Variants in GPC5 observed in about 807,000 individuals in gnomAD.
The protein encoded by GPC5 is glypican 5, also known as glypican-5.
In GPC5, 47 loss-of-function variants were observed where a neutral mutation model predicts 53.9. The ratio of observed to expected loss-of-function variants is 0.87; its 90% CI spans 0.69 to 1.11. GPC5 has a LOEUF of 1.11. GPC5 is among the 50% of genes most tolerant of loss of function. The pLI is 0.00. For missense variants in GPC5, 748 were observed against 713.1 expected, an observed-to-expected ratio of 1.05 and a Z score of -0.56; for synonymous variants, 286 against 263.3, an observed-to-expected ratio of 1.09 and a Z score of -0.84.
intron 6 of GPC5, among the ~76,000 whole-genome samples, chr13:92,126,709 A>C (rs181351606): frequency 7.7e-4 from 118 of 152,272 alleles, no homozygotes; most frequent in Admixed American, 5.2e-3. Flanking sequence ...TCTGGTCTCC[A>C]TCATAAAATG....
intron 2 of GPC5, among the ~76,000 whole-genome samples, chr13:91,502,370 TG>T (rs1164471435): frequency 9.9e-5 from 15 of 151,224 alleles, no homozygotes; most frequent in Non-Finnish European, 1.5e-4. Flanking sequence ...AGGGTTTTTA[TG>T]GTTTTAGGTC....
At chr13:91,666,281 C>T (rs1487590057) in intron 2 of GPC5, among the ~76,000 whole-genome samples, 1 of 152,150 alleles carries the variant, frequency 6.6e-6, no homozygotes, top group East Asian at 1.9e-4. Flanking sequence ...TTAGACCAAA[C>T]AAAAGGTCTA....
intron 6 of GPC5, among the ~76,000 whole-genome samples, chr13:92,036,189 G>A (rs1594737140): frequency 6.6e-6 from 1 of 152,120 alleles, no homozygotes; most frequent in African/African-American, 2.4e-5. Flanking sequence ...ATCGCTGATT[G>A]CTTATACATC....
chr13:91,594,968 G>T (rs866952499), intron 2 of GPC5, among the ~76,000 whole-genome samples: 9 of 150,978 alleles, frequency 6.0e-5, no homozygotes, highest in Non-Finnish European at 1.0e-4. Context: ...CCTTGCCCAG[G>T]CTTATTTTTT....
At chr13:92,680,594 A>G (rs1446531970) in intron 7 of GPC5, among the ~76,000 whole-genome samples, 2 of 152,212 alleles carry the variant, frequency 1.3e-5, no homozygotes, top group African/African-American at 4.8e-5. Context: ...GCAAGAAGAG[A>G]CCTCATTCTT....
chr13:91,674,412 T>TAC (rs1388284659), intron 2 of GPC5, among the ~76,000 whole-genome samples: 6 of 150,562 alleles, frequency 4.0e-5, no homozygotes, highest in Admixed American at 2.0e-4. Context: ...TATATATATA[T>TAC]ACACACACAC....
At chr13:91,781,924 C>T (rs2037804393) in intron 5 of GPC5, among the ~76,000 whole-genome samples, 1 of 152,174 alleles carries the variant, frequency 6.6e-6, no homozygotes, top group African/African-American at 2.4e-5. Flanking sequence ...ATTTATTATA[C>T]TCTGAGCTAG....
At chr13:91,797,643 C>G (rs1291181737) in intron 5 of GPC5, among the ~76,000 whole-genome samples, 1 of 152,170 alleles carries the variant, frequency 6.6e-6, no homozygotes, top group Non-Finnish European at 1.5e-5. Context: ...ATTAAGAGCT[C>G]TACATCTGCC....
intron 3 of GPC5, among the ~76,000 whole-genome samples, chr13:91,703,127 C>T (rs538937270): frequency 2.0e-5 from 3 of 151,972 alleles, no homozygotes; most frequent in Non-Finnish European, 4.4e-5. Flanking sequence ...TGAAAAGAGG[C>T]AATTTAACTG....
At chr13:91,656,089 G>A (rs1193643119) in intron 2 of GPC5, among the ~76,000 whole-genome samples, 1 of 152,086 alleles carries the variant, frequency 6.6e-6, no homozygotes, top group Non-Finnish European at 1.5e-5. Context: ...CACCATACTT[G>A]CCTAATTCTC....
intron 7 of GPC5, among the ~76,000 whole-genome samples, chr13:92,600,719 C>A (rs113410548): frequency 6.7e-6 from 1 of 149,676 alleles, no homozygotes; most frequent in Non-Finnish European, 1.5e-5. Flanking sequence ...GTTAGCCAGG[C>A]GAGTCTCAAA....
At position 91,969,899 on chromosome 13, in the gene GPC5, C is replaced by T. The variant is rs1396602351; in HGVS notation, c.1401+61842C>T. On this transcript the variant is annotated intron_variant, in intron 6 of 7. Transcript: ENST00000377067. ...TTGGTGAGGATATGGAGAAAAGGGA[C>T]CTCTTATACGCACTGTTCATGGAAA... is the stretch of plus-strand genomic sequence containing the variant. Among the ~76,000 whole-genome samples the T allele has an allele frequency of 2.0e-5, 3 of 151,958 alleles. 1 individual carries two copies. In the South Asian group the frequency reaches 6.2e-4, roughly 32 times the overall value.
intron 7 of GPC5, among the ~76,000 whole-genome samples, chr13:92,401,972 T>C (rs1875579149): frequency 6.6e-6 from 1 of 152,144 alleles, no homozygotes. Context: ...AATGCTCTGT[T>C]TGCTAAAAGA....
At chr13:92,818,103 T>G (rs1877544361) in intron 7 of GPC5, among the ~76,000 whole-genome samples, 1 of 151,182 alleles carries the variant, frequency 6.6e-6, no homozygotes, top group Non-Finnish European at 1.5e-5. Flanking sequence ...GCCTCTGCCT[T>G]CTGGGTTCAA....
intron 7 of GPC5, among the ~76,000 whole-genome samples, chr13:92,486,954 C>T (rs1879577776): frequency 6.6e-6 from 1 of 151,762 alleles, no homozygotes; most frequent in Non-Finnish European, 1.5e-5. Flanking sequence ...CTTCTGGATT[C>T]AAGAGATTCT....
chr13:92,685,370 C>G (rs1294781137), intron 7 of GPC5, among the ~76,000 whole-genome samples: 1 of 152,080 alleles, frequency 6.6e-6, no homozygotes, highest in Admixed American at 6.6e-5. Context: ...ACTAGGATTA[C>G]AGGCATGAGC....
chr13:92,589,491 A>G (rs4624030), intron 7 of GPC5, among the ~76,000 whole-genome samples: 2 of 152,098 alleles, frequency 1.3e-5, no homozygotes, highest in South Asian at 4.1e-4. Context: ...ATTTCTGATC[A>G]AATCATGATT....
At chr13:92,202,789 T>G (rs2139062828) in intron 7 of GPC5, among the ~76,000 whole-genome samples, 1 of 152,262 alleles carries the variant, frequency 6.6e-6, no homozygotes. Flanking sequence ...TAAACTAAAT[T>G]ATCCCACATT....
chr13:92,170,966 CTTAATA>C (rs1338187679), intron 7 of GPC5, among the ~76,000 whole-genome samples: 1 of 152,090 alleles, frequency 6.6e-6, no homozygotes, highest in Admixed American at 6.5e-5. Flanking sequence ...GATTATGGGA[CTTAATA>C]TTAAGTCCCC....
Sources: allele counts gnomAD v4.1 joint callset (sites outside exome capture counted in the v4.1 genomes callset), GRCh38; gene constraint gnomAD v4.1.1; transcripts MANE v1.5; gene names NCBI Gene and HGNC (gene_info 2026-07-23, HGNC 2026-07-21).